Variants in GIT2 observed in about 807,000 individuals in gnomAD.
GIT2 encodes the protein ARF GTPase-activating protein GIT2.
A neutral mutation model predicts 100.3 loss-of-function variants in GIT2; 32 were observed. The ratio of observed to expected loss-of-function variants is 0.32; its 90% confidence interval spans 0.24 to 0.43. The LOEUF is 0.43. Ranked by LOEUF, GIT2 falls within the 20% of genes least tolerant of loss-of-function variation. The probability of loss-of-function intolerance (pLI) is 1.00; values close to 1 mark genes in which losing one functional copy is unlikely to be tolerated. For missense variants in GIT2, 737 were observed against 975.1 expected (o/e 0.76, Z 3.25); for synonymous variants, 353 against 364.1 (o/e 0.97, Z 0.35).
chr12:109,983,170 T>C (rs1593130557), intron 6 of GIT2: 1 of 518,264 alleles, frequency 1.9e-6, no homozygotes. Flanking sequence ...ACTGGAAGCT[T>C]AGCACACTGG....
intron 7 of GIT2, among the ~76,000 whole-genome samples, chr12:109,970,191 T>C (rs73419581): frequency 0.021 from 3,182 of 152,230 alleles, 45 homozygotes; most frequent in South Asian, 0.053. Flanking sequence ...GTTGTCCCAA[T>C]GCATTAAAAA....
At chr12:109,950,661 G>A (rs1463099137) in intron 14 of GIT2, 1 of 153,138 alleles carries the variant, frequency 6.5e-6, no homozygotes, top group Non-Finnish European at 1.5e-5. Context: ...CTTATTTTTT[G>A]AGCACCTACT....
intron 18 of GIT2, among the ~76,000 whole-genome samples, chr12:109,938,024 G>A (rs765437507): frequency 1.2e-4 from 18 of 152,024 alleles, no homozygotes; most frequent in Admixed American, 6.6e-4. Context: ...TTGTGTCAGC[G>A]GCCTTGTCCT....
chr12:109,954,394 A>G (rs1222356410), intron 12 of GIT2: 3 of 152,178 alleles, frequency 2.0e-5, no homozygotes, highest in Non-Finnish European at 1.5e-5. Flanking sequence ...ACAAATACAC[A>G]TGTGCATGTT....
At position 109,933,928 on chromosome 12, in the gene GIT2, G is replaced by A. The variant is rs1872283243; in HGVS notation, c.2067+94C>T. ...GACTGCATATTTTAAAACTGCATGT[G>A]CTACAAAAAAGCTAATGTAATATAT... is the stretch of plus-strand genomic sequence containing the variant. On this transcript the variant is annotated intron_variant, in intron 19 of 19. Coordinates refer to ENST00000355312, the MANE Select transcript of GIT2 (RefSeq NM_057169.5). This position sits in a 1 kb window ranked among gnomAD's most constrained non-coding sequence, Gnocchi z 4.5. The A allele has an allele frequency of 1.9e-5, 15 of 786,712 alleles. No individual in the cohort carries two copies. The South Asian group carries it at 2.1e-4, about 11-fold the overall frequency. 48.7% of individuals were successfully genotyped at this position (786,712 alleles called of 1,614,324 possible).
intron 6 of GIT2, 200 bp from the exon 7 acceptor site, chr12:109,981,246 C>T (rs1237772259): frequency 8.1e-6 from 4 of 494,550 alleles, no homozygotes; most frequent in East Asian, 3.2e-5. Flanking sequence ...TCTGAACTAT[C>T]GCCTTTCCTT....
upstream of GIT2, chr12:109,998,433 T>G (rs1303787882): frequency 3.9e-5 from 6 of 152,218 alleles, no homozygotes; most frequent in African/African-American, 7.2e-5. Context: ...CACAATGCAT[T>G]AAATAGCTTC....
chr12:109,939,483 C>A (rs1298935718), intron 16 of GIT2: 12 of 366,790 alleles, frequency 3.3e-5, no homozygotes, highest in Non-Finnish European at 6.2e-5. Context: ...TAATCAGATC[C>A]TTAGTACAAA....
chr12:109,985,137 GT>G (rs1007577245), intron 4 of GIT2, among the ~76,000 whole-genome samples: 6 of 151,838 alleles, frequency 4.0e-5, no homozygotes, highest in Non-Finnish European at 5.9e-5. Flanking sequence ...TTTTTAAATA[GT>G]TTTTTTGTTT....
upstream of GIT2, chr12:109,996,525 G>C (rs2137047693): frequency 2.6e-6 from 1 of 390,144 alleles, no homozygotes; most frequent in South Asian, 5.0e-5. Flanking sequence ...TTCTCTGGCA[G>C]AGATTCCCCT....
intron 7 of GIT2, among the ~76,000 whole-genome samples, chr12:109,967,972 C>G (rs1882914711): frequency 6.6e-6 from 1 of 152,208 alleles, no homozygotes; most frequent in South Asian, 2.1e-4. Context: ...CTTACTGACT[C>G]AGCCCTAATC....
chr12:109,955,277 C>A (rs1879097942), intron 12 of GIT2, among the ~76,000 whole-genome samples: 2 of 152,056 alleles, frequency 1.3e-5, no homozygotes, highest in Admixed American at 1.3e-4. Context: ...GCGCCCGCCA[C>A]CACACCCAGC....
At chr12:109,951,013 A>C (rs1223218720) in intron 14 of GIT2, 154 bp downstream of exon 14, 13 of 696,762 alleles carry the variant, frequency 1.9e-5, no homozygotes, top group Non-Finnish European at 3.0e-5. Flanking sequence ...ATATCCAAAT[A>C]CATCCTGCTT....
chr12:109,947,223 G>C lies in GIT2; in HGVS notation c.1641+33C>G. 6.3e-7 allele frequency: 1 copy of C among 1,596,110 alleles called. No individual in the cohort carries two copies. The highest frequency in any genetic ancestry group is 8.6e-7 in the Non-Finnish European group (1 of 1,168,800). On this transcript the variant is annotated intron_variant, in intron 15 of 19. Transcript: ENST00000355312. The surrounding 1 kb of genome is among the most constrained non-coding windows in gnomAD (Gnocchi z 4.3). ...GAACAGAGTAGACAGGCTGCATAGA[G>C]TGAACAGCAGAAGCGCCAGTGGTGT...
intron 12 of GIT2, among the ~76,000 whole-genome samples, chr12:109,959,070 G>A (rs1593028855): frequency 7.1e-6 from 1 of 140,284 alleles, no homozygotes; most frequent in Admixed American, 7.2e-5. Flanking sequence ...TTTCTTTTCC[G>A]TTTTTTTTTT....
chr12:109,941,523 T>A (rs1435995205), intron 16 of GIT2, among the ~76,000 whole-genome samples: 2 of 151,756 alleles, frequency 1.3e-5, no homozygotes, highest in Non-Finnish European at 2.9e-5. Context: ...AATGCCTAAC[T>A]TTTTTCTTTT....
intron 13 of GIT2, 71 bp downstream of exon 13, chr12:109,953,021 A>C: frequency 6.7e-7 from 1 of 1,498,024 alleles, no homozygotes; most frequent in Non-Finnish European, 9.2e-7. Context: ...ACCTCACTGC[A>C]CAGCAGCTTT....
chr12:109,971,804 C>A (rs1381786710), intron 7 of GIT2, among the ~76,000 whole-genome samples: 1 of 151,620 alleles, frequency 6.6e-6, no homozygotes, highest in Non-Finnish European at 1.5e-5. Context: ...AGCAGCCTGG[C>A]CAACATGGCG....
intron 18 of GIT2, among the ~76,000 whole-genome samples, chr12:109,937,457 C>T (rs1283304644): frequency 6.6e-6 from 1 of 152,190 alleles, no homozygotes; most frequent in Non-Finnish European, 1.5e-5. Context: ...TTTGACTGAA[C>T]TCTGCTGGTT....
Sources: gnomAD v4.1 joint callset for allele counts (sites outside exome capture counted in the v4.1 genomes callset) on GRCh38, gnomAD v4.1.1 for gene constraint, Gnocchi (gnomAD v3.1) non-coding constraint, MANE v1.5 for transcripts, NCBI Gene and HGNC (gene_info 2026-07-23, HGNC 2026-07-21) for gene names.